Variants in GPM6A observed in about 807,000 individuals in gnomAD.
The protein encoded by GPM6A is neuronal membrane glycoprotein M6-a.
Under a neutral mutation model 32.1 loss-of-function variants are expected in GPM6A, and 7 were observed. That is an observed-to-expected ratio of 0.22 (90% CI 0.12 to 0.41). The LOEUF is 0.41. Ranked by LOEUF, GPM6A falls within the 10% of genes least tolerant of loss-of-function variation. The pLI, the probability that GPM6A is intolerant of heterozygous loss-of-function variation, is 1.00. For synonymous variants in GPM6A, 130 were observed against 123.4 expected (o/e 1.05, Z -0.35); for missense variants, 235 against 347.2 (o/e 0.68, Z 2.57).
At chr4:175,751,922 C>T (rs1480727474) in intron 1 of GPM6A, among the ~76,000 whole-genome samples, 2 of 152,060 alleles carry the variant, frequency 1.3e-5, no homozygotes, top group Non-Finnish European at 2.9e-5. Flanking sequence ...TAATGGCTGA[C>T]AGAATTTGCT....
chr4:175,667,918 T>A (rs1190966362), intron 3 of GPM6A, among the ~76,000 whole-genome samples: 1 of 152,136 alleles, frequency 6.6e-6, no homozygotes, highest in East Asian at 1.9e-4. Flanking sequence ...TGAGAAGTTA[T>A]TTTTATTTTA....
chr4:175,980,448 G>C (rs1740787711), intron 1 of GPM6A, among the ~76,000 whole-genome samples: 1 of 152,292 alleles, frequency 6.6e-6, no homozygotes, highest in South Asian at 2.1e-4. Context: ...AACAGGATTT[G>C]AACCCTAGAA....
intron 1 of GPM6A, among the ~76,000 whole-genome samples, chr4:175,714,196 A>T (rs1391207613): frequency 4.6e-5 from 7 of 152,188 alleles, no homozygotes; most frequent in Non-Finnish European, 1.0e-4. Context: ...AAATCACATT[A>T]GATGCCCTGA....
intron 1 of GPM6A, among the ~76,000 whole-genome samples, chr4:175,880,721 T>G (rs2111456825): frequency 6.6e-6 from 1 of 152,288 alleles, no homozygotes; most frequent in African/African-American, 2.4e-5. Context: ...TGCTTGTGAT[T>G]TTTGCACATT....
intron 1 of GPM6A, among the ~76,000 whole-genome samples, chr4:175,737,161 A>G (rs975435648): frequency 3.9e-5 from 6 of 152,202 alleles, no homozygotes; most frequent in Admixed American, 6.5e-5. Context: ...CTGCTTTTGA[A>G]CACTCAAAAC....
chr4:175,905,020 T>A (rs1738086343), intron 1 of GPM6A, among the ~76,000 whole-genome samples: 1 of 151,984 alleles, frequency 6.6e-6, no homozygotes, highest in Admixed American at 6.6e-5. Flanking sequence ...TTATCACATA[T>A]GCATATGAAG....
intron 1 of GPM6A, among the ~76,000 whole-genome samples, chr4:175,737,496 A>C (rs1277150512): frequency 6.6e-6 from 1 of 151,880 alleles, no homozygotes; most frequent in Non-Finnish European, 1.5e-5. Context: ...GACAAGAAAA[A>C]AAAATGCTGT....
intron 1 of GPM6A, among the ~76,000 whole-genome samples, chr4:175,738,589 G>A (rs564624019): frequency 2.0e-5 from 3 of 151,680 alleles, no homozygotes; most frequent in Non-Finnish European, 2.9e-5. Flanking sequence ...GGGCAGAATG[G>A]GGTCAAAATG....
intron 1 of GPM6A, among the ~76,000 whole-genome samples, chr4:175,736,816 T>A (rs1387349338): frequency 6.6e-6 from 1 of 152,234 alleles, no homozygotes; most frequent in Non-Finnish European, 1.5e-5. Context: ...ACAGCATATA[T>A]GACTGTGGAT....
chr4:175,870,160 C>G (rs1332599019), intron 1 of GPM6A, among the ~76,000 whole-genome samples: 1 of 152,156 alleles, frequency 6.6e-6, no homozygotes, highest in Non-Finnish European at 1.5e-5. Flanking sequence ...TGTGTTTTGT[C>G]ATTGACCTTA....
intron 1 of GPM6A, among the ~76,000 whole-genome samples, chr4:175,735,317 T>C (rs1731612735): frequency 6.6e-6 from 1 of 152,168 alleles, no homozygotes; most frequent in South Asian, 2.1e-4. Context: ...TATAGTTATA[T>C]TAAGATTTGA....
intron 4 of GPM6A, among the ~76,000 whole-genome samples, chr4:175,646,566 T>C (rs1277447637): frequency 1.3e-5 from 2 of 152,238 alleles, no homozygotes; most frequent in Admixed American, 1.3e-4. Context: ...GAAGATATTT[T>C]TCTTTCAAAA....
chr4:175,645,280 A>G (rs376853165), intron 4 of GPM6A, among the ~76,000 whole-genome samples: 15 of 152,158 alleles, frequency 9.9e-5, no homozygotes, highest in African/African-American at 3.6e-4. Context: ...TGTGAGAATT[A>G]TTTGTACTTG....
chr4:175,730,031 C>T (rs2111138150), intron 1 of GPM6A, among the ~76,000 whole-genome samples: 1 of 150,842 alleles, frequency 6.6e-6, no homozygotes, highest in Non-Finnish European at 1.5e-5. Flanking sequence ...CATGCATACC[C>T]AACTTTCTCA....
chr4:175,765,724 C>T (rs1400160446), intron 1 of GPM6A, among the ~76,000 whole-genome samples: 6 of 152,194 alleles, frequency 3.9e-5, no homozygotes, highest in African/African-American at 1.4e-4. Context: ...CCAATCCTCG[C>T]TATGACCTAT....
intron 1 of GPM6A, among the ~76,000 whole-genome samples, chr4:175,714,053 G>T (rs1306847768): frequency 6.6e-6 from 1 of 151,778 alleles, no homozygotes; most frequent in Non-Finnish European, 1.5e-5. Flanking sequence ...TTTGTGGATG[G>T]GTATCAAAAT....
At chr4:175,793,707 C>A (rs1278605085) in intron 1 of GPM6A, among the ~76,000 whole-genome samples, 1 of 152,144 alleles carries the variant, frequency 6.6e-6, no homozygotes, top group East Asian at 1.9e-4. Context: ...ACATCAGACA[C>A]TACTTATACT....
chr4:175,860,930 AT>A (rs1560968712), intron 1 of GPM6A, among the ~76,000 whole-genome samples: 1 of 152,070 alleles, frequency 6.6e-6, no homozygotes, highest in Non-Finnish European at 1.5e-5. Flanking sequence ...AAAATATCTC[AT>A]TTCCTAGAAA....
intron 1 of GPM6A, among the ~76,000 whole-genome samples, chr4:175,979,264 G>A (rs929901370): frequency 1.3e-5 from 2 of 151,830 alleles, no homozygotes; most frequent in South Asian, 2.1e-4. Context: ...TTATATTACT[G>A]AATATTTAAT....
Sources: allele counts gnomAD v4.1 joint callset (sites outside exome capture counted in the v4.1 genomes callset), GRCh38; gene constraint gnomAD v4.1.1; transcripts MANE v1.5; gene names NCBI Gene and HGNC (gene_info 2026-07-23, HGNC 2026-07-21).